Variants in RBMS3 observed in about 807,000 individuals in gnomAD.
RBMS3 encodes RNA-binding motif, single-stranded-interacting protein 3.
Under a neutral mutation model 66.8 loss-of-function variants are expected in RBMS3, and 27 were observed. The observed-to-expected ratio is 0.40, with a 90% CI of 0.30 to 0.56. The LOEUF (loss-of-function observed/expected upper bound fraction) is 0.56, where lower values mean the gene tolerates loss of function less well. Among genes scored for constraint, RBMS3 ranks in the 20% least tolerant of loss-of-function variants. RBMS3 has a pLI of 0.40. For missense variants in RBMS3, 513 were observed against 549.5 expected (o/e 0.93, Z 0.66); for synonymous variants, 188 against 183.0 (o/e 1.03, Z -0.22).
chr3:29,849,156 C>T (rs1338941819), intron 6 of RBMS3, among the ~76,000 whole-genome samples: 12 of 148,360 alleles, frequency 8.1e-5, no homozygotes, highest in Non-Finnish European at 4.5e-5. Context: ...CACTCCTCCC[C>T]CTCCACCAAA....
chr3:29,436,905 T>C (rs1026885951), intron 2 of RBMS3, among the ~76,000 whole-genome samples: 6 of 152,250 alleles, frequency 3.9e-5, no homozygotes, highest in Admixed American at 2.0e-4. Flanking sequence ...ATTTCTATTG[T>C]ATAAAGTTTC....
chr3:29,723,121 G>A (rs28430956), intron 4 of RBMS3, among the ~76,000 whole-genome samples: 19,800 of 151,748 alleles, frequency 0.13, 1,358 homozygotes, highest in Middle Eastern at 0.24. Flanking sequence ...GATTACAGGC[G>A]CACATCCCCA....
intron 3 of RBMS3, among the ~76,000 whole-genome samples, chr3:29,528,108 A>ATTT (rs66534941): frequency 3.7e-5 from 4 of 108,156 alleles, no homozygotes; most frequent in Admixed American, 1.9e-4. Flanking sequence ...TGCAAGCAAG[A>ATTT]TTTTTTTTTT....
chr3:29,300,657 G>T (rs565616545), intron 1 of RBMS3, among the ~76,000 whole-genome samples: 52 of 151,978 alleles, frequency 3.4e-4, no homozygotes, highest in African/African-American at 2.4e-5. Context: ...AAAGTTTTGC[G>T]TGAGTTTTGG....
intron 3 of RBMS3, among the ~76,000 whole-genome samples, chr3:29,496,136 C>T (rs1012089687): frequency 6.9e-6 from 1 of 145,032 alleles, no homozygotes; most frequent in East Asian, 2.0e-4. Context: ...AGCAAAATGG[C>T]TTGAAAAACA....
At chr3:29,859,755 A>T (rs1041313604) in intron 6 of RBMS3, among the ~76,000 whole-genome samples, 1 of 152,204 alleles carries the variant, frequency 6.6e-6, no homozygotes, top group African/African-American at 2.4e-5. Flanking sequence ...AGGTTTTCTA[A>T]CTCCAAAATA....
At chr3:29,574,864 A>ACAC (rs1361256522) in intron 3 of RBMS3, among the ~76,000 whole-genome samples, 8 of 145,590 alleles carry the variant, frequency 5.5e-5, no homozygotes, top group Non-Finnish European at 1.1e-4. Flanking sequence ...CACACACACA[A>ACAC]GAAAATTAAT....
intron 1 of RBMS3, among the ~76,000 whole-genome samples, chr3:29,328,899 A>G (rs2035492744): frequency 1.3e-5 from 2 of 152,204 alleles, no homozygotes; most frequent in African/African-American, 2.4e-5. Flanking sequence ...TGTTTTGCAC[A>G]TACTAGTCAC....
intron 6 of RBMS3, among the ~76,000 whole-genome samples, chr3:29,814,792 T>A (rs1024005649): frequency 8.6e-5 from 13 of 152,008 alleles, no homozygotes; most frequent in African/African-American, 2.2e-4. Context: ...ATAATAAATT[T>A]AAAAAAAATT....
At chr3:29,738,760 C>G (rs1430416852) in intron 4 of RBMS3, among the ~76,000 whole-genome samples, 1 of 152,116 alleles carries the variant, frequency 6.6e-6, no homozygotes, top group Non-Finnish European at 1.5e-5. Context: ...ATTGTGTTTC[C>G]AATAAGTTCC....
At chr3:29,366,546 A>G (rs560311882) in intron 1 of RBMS3, among the ~76,000 whole-genome samples, 141 of 100,076 alleles carry the variant, frequency 1.4e-3, no homozygotes, top group African/African-American at 4.3e-3. Context: ...AGGCTGAGCT[A>G]ATTTTTAATT....
At chr3:29,376,483 A>G in intron 1 of RBMS3, among the ~76,000 whole-genome samples, 1 of 152,138 alleles carries the variant, frequency 6.6e-6, no homozygotes, top group Non-Finnish European at 1.5e-5. Flanking sequence ...AAAAAGACAC[A>G]ATGTGGGCCG....
At chr3:29,391,121 C>T (rs1018531815) in intron 1 of RBMS3, 1 of 197,444 alleles carries the variant, frequency 5.1e-6, no homozygotes, top group Non-Finnish European at 1.2e-5. Flanking sequence ...GGCAGAAACC[C>T]CAAAAAAATG....
intron 3 of RBMS3, among the ~76,000 whole-genome samples, chr3:29,582,085 G>A (rs1559486099): frequency 6.6e-6 from 1 of 152,052 alleles, no homozygotes; most frequent in Non-Finnish European, 1.5e-5. Context: ...GATGTTGCCA[G>A]CAAATGCACT....
At chr3:29,603,104 A>T (rs2048202268) in intron 4 of RBMS3, among the ~76,000 whole-genome samples, 1 of 152,050 alleles carries the variant, frequency 6.6e-6, no homozygotes, top group Non-Finnish European at 1.5e-5. Context: ...CAAAGATCAT[A>T]ACTGTTACCA....
rs34934611 is a variant in RBMS3 at position 29,679,768 on chromosome 3, G to GTATATATATATATATATATA, written c.400-59933_400-59932insATATATATATATATATATAT. Among the ~76,000 whole-genome samples the GTATATATATATATATATATA allele has an allele frequency of 2.6e-3, 379 of 145,308 alleles. 3 individuals carry two copies. The highest frequency in any genetic ancestry group is 9.4e-3 in the African/African-American group (362 of 38,502). On this transcript the variant is annotated intron_variant, in intron 4 of 14. Coordinates refer to ENST00000383767, the MANE Select transcript of RBMS3 (RefSeq NM_001003793.3). ...TAGCAATAATTTATACTACTTGACT[G>GTATATATATATATATATATA]TATATATATATATATATATTATACA...
intron 3 of RBMS3, among the ~76,000 whole-genome samples, chr3:29,515,425 G>A (rs2044583498): frequency 6.6e-6 from 1 of 152,154 alleles, no homozygotes; most frequent in South Asian, 2.1e-4. Context: ...TAAAGGCAAT[G>A]GAAACCAAGG....
rs180774569 is a variant in RBMS3, at chr3:29,542,798, T to G, written c.308-44316T>G. On this transcript the variant is annotated intron_variant, in intron 3 of 14. Transcript: ENST00000383767. ...AAATAATTCTTCCTTTCTTTTATTT[T>G]AACATCACCTAGGGGCATTTATGTC... Among the ~76,000 whole-genome samples the G allele has an allele frequency of 3.3e-4, 51 of 152,364 alleles. No individual in the cohort carries two copies. The East Asian group carries it at 9.0e-3, about 27-fold the overall frequency.
At position 30,005,468 on chromosome 3, in the gene RBMS3, GACACTTTCTGGACCTGGTCTGA is replaced by G. The variant is rs1392524553; in HGVS notation, c.*1608_*1629del. On this transcript the variant is annotated 3_prime_UTR_variant, in exon 15 of 15. Transcript: ENST00000383767. Reference sequence around the variant, plus strand: ...TTCTTTATATGAAATTTCAGCTAAAGACACTTTCTGGACCTGGTCTGAAAGGTCATTTGTCAAAAAAGCTTAG... The same window carrying G: ...TTCTTTATATGAAATTTCAGCTAAAGAAGGTCATTTGTCAAAAAAGCTTAG... The G allele has an allele frequency of 6.6e-6, 1 of 151,826 alleles. No individual in the cohort carries two copies. The highest frequency in any genetic ancestry group is 2.4e-5 in the African/African-American group (1 of 41,396). 9.4% of individuals were successfully genotyped at this position (151,826 alleles called of 1,614,324 possible).
Sources: allele counts gnomAD v4.1 joint callset (sites outside exome capture counted in the v4.1 genomes callset), GRCh38; gene constraint gnomAD v4.1.1; transcripts MANE v1.5; gene names NCBI Gene and HGNC (gene_info 2026-07-23, HGNC 2026-07-21).